The following KAZN variants were observed in gnomAD, a reference collection of about 807,000 sequenced individuals.
The protein encoded by KAZN is kazrin.
Under a neutral mutation model 87.4 loss-of-function variants are expected in KAZN, and 40 were observed. The observed-to-expected ratio is 0.46, with a 90% CI of 0.36 to 0.60. The LOEUF is 0.60. Among genes scored for constraint, KAZN ranks in the 20% least tolerant of loss-of-function variants. KAZN has a pLI of 0.00. For synonymous variants in KAZN, 466 were observed against 458.3 expected (o/e 1.02, Z -0.22); for missense variants, 898 against 1,073.9 (o/e 0.84, Z 2.29).
At chr1:14,932,573 C>A (rs1378157204) in intron 1 of KAZN, among the ~76,000 whole-genome samples, 1 of 152,098 alleles carries the variant, frequency 6.6e-6, no homozygotes, top group Non-Finnish European at 1.5e-5. Context: ...GCTAGAGGCT[C>A]CCATGTTGGA....
chr1:14,685,537 C>T (rs1640903494), intron 1 of KAZN, among the ~76,000 whole-genome samples: 1 of 152,236 alleles, frequency 6.6e-6, no homozygotes, highest in Non-Finnish European at 1.5e-5. Context: ...CCTCCAAATG[C>T]TCTTGGCGGC....
chr1:14,517,383 A>C (rs1031476911), intron 2 of KAZN, among the ~76,000 whole-genome samples: 1 of 152,152 alleles, frequency 6.6e-6, no homozygotes, highest in Non-Finnish European at 1.5e-5. Context: ...GCAGGGAATG[A>C]CATCAGAGCC....
intron 2 of KAZN, among the ~76,000 whole-genome samples, chr1:14,430,540 C>A (rs1665994695): frequency 6.6e-6 from 1 of 152,202 alleles, no homozygotes; most frequent in Non-Finnish European, 1.5e-5. Flanking sequence ...GAAGTCCAGA[C>A]AACAAGTGGC....
chr1:14,059,063 G>T (rs1336805095), intron 1 of KAZN, among the ~76,000 whole-genome samples: 1 of 152,182 alleles, frequency 6.6e-6, no homozygotes, highest in African/African-American at 2.4e-5. Context: ...GAATGAGGAG[G>T]TCGAGGGACT....
intron 2 of KAZN, among the ~76,000 whole-genome samples, chr1:14,210,857 A>G (rs1461813053): frequency 6.6e-6 from 1 of 152,222 alleles, no homozygotes; most frequent in Non-Finnish European, 1.5e-5. Flanking sequence ...AGAGACACGT[A>G]GAATCTTAAA....
chr1:14,278,698 C>T (rs1652596026), intron 2 of KAZN, among the ~76,000 whole-genome samples: 1 of 152,162 alleles, frequency 6.6e-6, no homozygotes, highest in African/African-American at 2.4e-5. Flanking sequence ...CAAGTTCACA[C>T]ATTGCATTCA....
At chr1:14,687,888 G>A (rs1042176690) in intron 1 of KAZN, among the ~76,000 whole-genome samples, 2 of 152,130 alleles carry the variant, frequency 1.3e-5, no homozygotes, top group African/African-American at 2.4e-5. Context: ...TTTCAACATG[G>A]AGACCAAAGT....
chr1:15,016,062 G>A (rs1670061110), intron 2 of KAZN, among the ~76,000 whole-genome samples: 1 of 151,278 alleles, frequency 6.6e-6, no homozygotes, highest in Admixed American at 6.6e-5. Flanking sequence ...TGAAGATCTC[G>A]AGATGAGATC....
At chr1:14,230,846 C>T (rs781714481) in intron 2 of KAZN, among the ~76,000 whole-genome samples, 1 of 152,104 alleles carries the variant, frequency 6.6e-6, no homozygotes, top group Non-Finnish European at 1.5e-5. Context: ...TATGTAGTCA[C>T]GAGACAGTTC....
intron 1 of KAZN, among the ~76,000 whole-genome samples, chr1:14,164,951 A>G (rs1263079442): frequency 6.6e-6 from 1 of 152,200 alleles, no homozygotes; most frequent in East Asian, 1.9e-4. Flanking sequence ...ACTGACATGG[A>G]AAGTTGCGGA....
At chr1:14,697,792 C>T (rs145745069) in intron 1 of KAZN, among the ~76,000 whole-genome samples, 1 of 152,372 alleles carries the variant, frequency 6.6e-6, no homozygotes, top group East Asian at 1.9e-4. Flanking sequence ...TCTCAGGGGC[C>T]TAGCCCCACT....
rs896090466 is a variant in KAZN at position 15,099,456 on chromosome 1, G to C, written c.1548-2087G>C. Reference sequence around the variant, plus strand: ...GCAGACTTGGGGGCAACTTCAGACAGCAAATTCAGAGAAAAGGGAGATTTG... The same window carrying C: ...GCAGACTTGGGGGCAACTTCAGACACCAAATTCAGAGAAAAGGGAGATTTG... On this transcript the variant is annotated intron_variant, in intron 10 of 14. Coordinates refer to ENST00000376030, the MANE Select transcript of KAZN (RefSeq NM_201628.3). This position sits in a 1 kb window ranked among gnomAD's most constrained non-coding sequence, Gnocchi z 5.4. 2.6e-5 allele frequency among the ~76,000 whole-genome samples: 4 copies of C among 152,314 alleles called. 1 individual carries two copies. Among genetic ancestry groups the C allele is most frequent in the Admixed American group, 2.6e-4 (4 of 15,300 alleles).
intron 2 of KAZN, among the ~76,000 whole-genome samples, chr1:15,023,524 T>G (rs1670887525): frequency 6.6e-6 from 1 of 151,726 alleles, no homozygotes; most frequent in African/African-American, 2.4e-5. Context: ...CCAGGGCAGC[T>G]TCCCCGGAAT....
intron 1 of KAZN, among the ~76,000 whole-genome samples, chr1:14,028,449 G>A (rs1055173507): frequency 6.6e-6 from 1 of 152,118 alleles, no homozygotes; most frequent in Non-Finnish European, 1.5e-5. Flanking sequence ...CCAGCCAGCC[G>A]GATGTTAACA....
intron 1 of KAZN, among the ~76,000 whole-genome samples, chr1:14,706,767 C>T (rs1475468140): frequency 6.6e-6 from 1 of 152,154 alleles, no homozygotes; most frequent in South Asian, 2.1e-4. Context: ...TTTTAGTAAG[C>T]ACTTTATCCT....
At chr1:14,584,401 G>A (rs1206803703) in intron 2 of KAZN, among the ~76,000 whole-genome samples, 1 of 152,216 alleles carries the variant, frequency 6.6e-6, no homozygotes, top group Non-Finnish European at 1.5e-5. Flanking sequence ...AGGAGAGGAT[G>A]AGAAACAAGG....
rs139910313 is a variant in KAZN, at chr1:14,604,466, C to T, written c.226+5243C>T. Reference sequence around the variant, plus strand: ...GCTGGAAGAAGATCAGGGAAAGGAACGCCTTCTTCCTCCCCGTGTGGTTGC... The same window carrying T: ...GCTGGAAGAAGATCAGGGAAAGGAATGCCTTCTTCCTCCCCGTGTGGTTGC... On this transcript the variant is annotated intron_variant, in intron 1 of 14. Transcript: ENST00000376030. Among the ~76,000 whole-genome samples, 100 of 152,270 alleles carry T rather than the reference C, an allele frequency of 6.6e-4. No homozygotes were observed. The East Asian group carries it at 6.8e-3, about 10-fold the overall frequency.
chr1:14,231,395 AT>A (rs59052013), intron 2 of KAZN, among the ~76,000 whole-genome samples: 141,029 of 151,410 alleles, frequency 0.93, 65,693 homozygotes, highest in East Asian at 0.99. Context: ...GCTCTATCTC[AT>A]TTTTTTTTTT....
intron 2 of KAZN, among the ~76,000 whole-genome samples, chr1:14,354,132 A>T (rs1000353744): frequency 1.3e-5 from 2 of 152,214 alleles, no homozygotes; most frequent in Admixed American, 1.3e-4. Flanking sequence ...TTCAATGGGG[A>T]ATTGAAAGCC....
Sources: allele counts gnomAD v4.1 joint callset (sites outside exome capture counted in the v4.1 genomes callset), GRCh38; gene constraint gnomAD v4.1.1; non-coding constraint Gnocchi (gnomAD v3.1); transcripts MANE v1.5; gene names NCBI Gene and HGNC (gene_info 2026-07-23, HGNC 2026-07-21).